CNTN6: variants seen among roughly 807,000 people sequenced by gnomAD.
CNTN6 encodes the protein contactin-6.
CNTN6 carries 137 observed loss-of-function variants against 122.8 expected under a neutral mutation model. That is an observed-to-expected ratio of 1.12 (90% CI 0.97 to 1.29). The LOEUF (loss-of-function observed/expected upper bound fraction) is 1.29. Among genes scored for constraint, CNTN6 ranks in the 50% most tolerant of loss-of-function variants. CNTN6 has a pLI of 0.00. For missense variants in CNTN6, 1,634 were observed against 1,223.4 expected (o/e 1.34, Z -5.01); for synonymous variants, 570 against 426.0 (o/e 1.34, Z -4.16).
chr3:1,135,869 G>A (rs954457267), intron 1 of CNTN6, among the ~76,000 whole-genome samples: 4 of 152,062 alleles, frequency 2.6e-5, no homozygotes, highest in Non-Finnish European at 4.4e-5. Flanking sequence ...GTGAGCGCCT[G>A]TAATCCCAGC....
chr3:1,234,388 T>C lies in CNTN6; in HGVS notation c.358+6395T>C, dbSNP rs148378376. On this transcript the variant is annotated intron_variant, in intron 4 of 22. Coordinates refer to ENST00000446702, the MANE Select transcript of CNTN6 (RefSeq NM_001289080.2). ...TTTTATTTCTATCTTTTGACCAGGGTCTTATAAGCAAGAACAAAAACCCTC... is the reference window on the plus strand; with the variant it reads ...TTTTATTTCTATCTTTTGACCAGGGCCTTATAAGCAAGAACAAAAACCCTC... Among the ~76,000 whole-genome samples, 673 of 152,250 alleles carry C rather than the reference T, an allele frequency of 4.4e-3. 33 individuals are homozygous for C. The highest frequency in any genetic ancestry group is 0.038 in the Admixed American group (574 of 15,298).
intron 1 of CNTN6, among the ~76,000 whole-genome samples, chr3:1,103,290 G>T (rs1035459390): frequency 3.3e-5 from 5 of 152,104 alleles, no homozygotes; most frequent in African/African-American, 1.2e-4. Context: ...CTGACAGGTA[G>T]AATTTTGACA....
At chr3:1,239,982 T>C (rs1281092855) in intron 4 of CNTN6, among the ~76,000 whole-genome samples, 2 of 152,160 alleles carry the variant, frequency 1.3e-5, no homozygotes, top group African/African-American at 4.8e-5. Flanking sequence ...TGTAGAAGAA[T>C]GAAACTGGAT....
chr3:1,386,918 A>ATT (rs1693073801), intron 20 of CNTN6, among the ~76,000 whole-genome samples: 1 of 152,044 alleles, frequency 6.6e-6, no homozygotes, highest in Non-Finnish European at 1.5e-5. Flanking sequence ...ATATGCGTAT[A>ATT]TTTGTCATGT....
chr3:1,288,608 C>T (rs1424954328), intron 5 of CNTN6, among the ~76,000 whole-genome samples: 1 of 152,160 alleles, frequency 6.6e-6, no homozygotes, highest in East Asian at 1.9e-4. Flanking sequence ...CATTTATTTT[C>T]TGCCTCAGGA....
intron 1 of CNTN6, among the ~76,000 whole-genome samples, chr3:1,108,199 C>T (rs1338977797): frequency 1.3e-5 from 2 of 151,986 alleles, no homozygotes; most frequent in Non-Finnish European, 2.9e-5. Context: ...ATATCAAACT[C>T]ATGGTATTAG....
intron 2 of CNTN6, among the ~76,000 whole-genome samples, chr3:1,168,996 C>G (rs911259477): frequency 6.6e-6 from 1 of 151,924 alleles, no homozygotes; most frequent in Non-Finnish European, 1.5e-5. Flanking sequence ...GTATTCCTGG[C>G]AAGGGAAAGC....
intron 11 of CNTN6, among the ~76,000 whole-genome samples, chr3:1,339,468 G>C (rs546433184): frequency 6.6e-6 from 1 of 152,152 alleles, no homozygotes; most frequent in African/African-American, 2.4e-5. Flanking sequence ...GGGGAAGGCA[G>C]ACAAGCCCAC....
At chr3:1,390,050 C>A (rs1250676655) in intron 20 of CNTN6, among the ~76,000 whole-genome samples, 1 of 151,886 alleles carries the variant, frequency 6.6e-6, no homozygotes, top group Non-Finnish European at 1.5e-5. Context: ...CAGCTCTGCA[C>A]CAAGTGGACC....
At chr3:1,354,930 C>T (rs954361429) in intron 12 of CNTN6, among the ~76,000 whole-genome samples, 1 of 151,506 alleles carries the variant, frequency 6.6e-6, no homozygotes, top group East Asian at 1.9e-4. Flanking sequence ...GGGGTACAAG[C>T]CTGAACCTAC....
chr3:1,137,882 T>C (rs982008703), intron 1 of CNTN6, among the ~76,000 whole-genome samples: 4 of 152,190 alleles, frequency 2.6e-5, no homozygotes, highest in African/African-American at 9.6e-5. Context: ...AGGGCTGATA[T>C]TAAGCTGAAA....
intron 11 of CNTN6, among the ~76,000 whole-genome samples, chr3:1,330,376 G>C (rs1575730699): frequency 6.6e-6 from 1 of 151,832 alleles, no homozygotes; most frequent in Non-Finnish European, 1.5e-5. Context: ...GAAATGTAGA[G>C]AGGTTCCTGT....
chr3:1,263,624 A>G (rs888463933), intron 4 of CNTN6, among the ~76,000 whole-genome samples: 1 of 152,104 alleles, frequency 6.6e-6, no homozygotes, highest in African/African-American at 2.4e-5. Flanking sequence ...ATTGTAGACT[A>G]TGTTTGTAGT....
At chr3:1,154,689 C>A (rs558836110) in intron 2 of CNTN6, among the ~76,000 whole-genome samples, 1 of 152,044 alleles carries the variant, frequency 6.6e-6, no homozygotes, top group Non-Finnish European at 1.5e-5. Context: ...GTGTTCCGCC[C>A]GCCTCAGCCT....
At chr3:1,202,436 A>C (rs1274514689) in intron 2 of CNTN6, among the ~76,000 whole-genome samples, 1 of 151,426 alleles carries the variant, frequency 6.6e-6, no homozygotes, top group Non-Finnish European at 1.5e-5. Flanking sequence ...GCTACTCGGG[A>C]GGCTGAGGCG....
intron 1 of CNTN6, among the ~76,000 whole-genome samples, chr3:1,114,659 A>T (rs528233132): frequency 6.6e-6 from 1 of 152,346 alleles, no homozygotes; most frequent in East Asian, 1.9e-4. Flanking sequence ...AAGGCAAAAG[A>T]TAATTATTGA....
intron 1 of CNTN6, among the ~76,000 whole-genome samples, chr3:1,116,698 CTTTT>C (rs10594022): frequency 2.2e-3 from 156 of 71,758 alleles, no homozygotes; most frequent in African/African-American, 6.8e-3. Context: ...GTCATCAAAT[CTTTT>C]TTTTTTTTTT....
At chr3:1,350,034 GTTA>G (rs1046386132) in intron 11 of CNTN6, among the ~76,000 whole-genome samples, 20 of 151,774 alleles carry the variant, frequency 1.3e-4, no homozygotes, top group South Asian at 2.1e-4. Flanking sequence ...TAAAATGTAT[GTTA>G]TTATTCTTTT....
chr3:1,385,528 G>C, intron 19 of CNTN6, 83 bp from the exon 20 acceptor site: 1 of 1,104,668 alleles, frequency 9.1e-7, no homozygotes, highest in Non-Finnish European at 1.3e-6. Context: ...ATTCCTTGTG[G>C]TTGTGGTTGA....
Sources: allele counts gnomAD v4.1 joint callset (sites outside exome capture counted in the v4.1 genomes callset), GRCh38; gene constraint gnomAD v4.1.1; transcripts MANE v1.5; gene names NCBI Gene and HGNC (gene_info 2026-07-23, HGNC 2026-07-21).